Variants in MARCHF1 observed in about 807,000 individuals in gnomAD.
MARCHF1 encodes the protein E3 ubiquitin-protein ligase MARCHF1.
Under a neutral mutation model 54.2 loss-of-function variants are expected in MARCHF1, and 40 were observed. That is an observed-to-expected ratio of 0.74 (90% CI 0.57 to 0.96). MARCHF1 has a LOEUF of 0.96. MARCHF1 is among the 40% of genes least tolerant of loss of function. The pLI, the probability that MARCHF1 is intolerant of heterozygous loss-of-function variation, is 0.00. For synonymous variants in MARCHF1, 236 were observed against 236.3 expected (o/e 1.00, Z 0.01); for missense variants, 586 against 656.5 (o/e 0.89, Z 1.17).
In MARCHF1 at chr4:163,854,009, C is replaced by G. The variant is rs746469448; in HGVS notation, c.111+12G>C. On this transcript the variant is annotated intron_variant, in intron 4 of 9. Transcript: ENST00000514618. ...TATAAGCCAATTTGAGGTAAAGTAACTTTCCACTCACCAATGTGGAGGTTT... is the reference window on the plus strand; with the variant it reads ...TATAAGCCAATTTGAGGTAAAGTAAGTTTCCACTCACCAATGTGGAGGTTT... 6.5e-7 allele frequency: 1 copy of G among 1,535,976 alleles called. No homozygotes were observed. Among genetic ancestry groups the G allele is most frequent in the South Asian group, 1.2e-5 (1 of 83,874 alleles).
rs1398567939 is a variant in MARCHF1, at chr4:164,240,118, G to A, written c.-322-128456C>T. ...AGATCTGTATGACTTCAAGGGACAT[G>A]TAAATAAGAACCAGGAGACCTGGAT... On this transcript the variant is annotated intron_variant, in intron 1 of 9. Coordinates refer to ENST00000514618, the MANE Select transcript of MARCHF1 (RefSeq NM_001394959.1). Among the ~76,000 whole-genome samples the A allele has an allele frequency of 2.0e-5, 3 of 152,166 alleles. No homozygotes were observed. In the East Asian group the frequency reaches 5.8e-4, roughly 29 times the overall value.
rs188560111 is a variant in MARCHF1 at position 163,586,215 on chromosome 4, A to T, written c.1011-286T>A. Among the ~76,000 whole-genome samples, 188 of 152,316 alleles carry T rather than the reference A, an allele frequency of 1.2e-3. 2 individuals are homozygous for T. The highest frequency in any genetic ancestry group is 0.012 in the Admixed American group (185 of 15,298). ...TTCCATTTAGTCAAAACATAGGTGC[A>T]CAACCCAAAGTTTATTCACTACCTT... On this transcript the variant is annotated intron_variant, in intron 7 of 9. Transcript: ENST00000514618.
Position 163,915,429 on chromosome 4 carries a change from T to C in MARCHF1, c.-38-61260A>G, listed in dbSNP as rs550641969. The stretch of plus-strand genomic sequence containing the variant: ...ATGAAAAACTGAGAAACTGAGAAAT[T>C]ATCACAACCAAGAAAAGCAAAAGGA... On this transcript the variant is annotated intron_variant, in intron 3 of 9. Transcript: ENST00000514618. Among the ~76,000 whole-genome samples, 57 of 152,048 alleles carry C rather than the reference T, an allele frequency of 3.7e-4. 1 individual carries two copies. In the South Asian group the frequency reaches 0.012, roughly 31 times the overall value.
chr4:164,170,616 G>A (rs900913510), intron 1 of MARCHF1, among the ~76,000 whole-genome samples: 1 of 152,048 alleles, frequency 6.6e-6, no homozygotes, highest in African/African-American at 2.4e-5. Flanking sequence ...GTCTGTTAGG[G>A]TTGCCCAATA....
At chr4:163,574,141 C>G in intron 8 of MARCHF1, among the ~76,000 whole-genome samples, 1 of 152,032 alleles carries the variant, frequency 6.6e-6, no homozygotes, top group African/African-American at 2.4e-5. Flanking sequence ...ATGTCCTTCG[C>G]CCACTTTTTG....
chr4:163,849,430 GC>G (rs1166443173), intron 4 of MARCHF1, among the ~76,000 whole-genome samples: 1 of 152,140 alleles, frequency 6.6e-6, no homozygotes, highest in Non-Finnish European at 1.5e-5. Flanking sequence ...ATGGGTGACA[GC>G]AAAATAGTAA....
At chr4:164,345,525 G>A (rs930433230) in intron 1 of MARCHF1, among the ~76,000 whole-genome samples, 1 of 151,300 alleles carries the variant, frequency 6.6e-6, no homozygotes, top group Non-Finnish European at 1.5e-5. Context: ...AGCCAAGATG[G>A]TGCCACTGCA....
intron 1 of MARCHF1, among the ~76,000 whole-genome samples, chr4:164,278,522 TATA>T (rs565237701): frequency 5.9e-5 from 9 of 152,222 alleles, no homozygotes; most frequent in Non-Finnish European, 1.3e-4. Context: ...AGTTAAATGG[TATA>T]ATGTTAGCTT....
intron 4 of MARCHF1, among the ~76,000 whole-genome samples, chr4:163,751,362 G>T (rs553279886): frequency 4.0e-5 from 6 of 151,876 alleles, no homozygotes; most frequent in Non-Finnish European, 7.4e-5. Context: ...ACATCGTCCT[G>T]GAGTCTAAGC....
intron 2 of MARCHF1, among the ~76,000 whole-genome samples, chr4:164,077,536 TAACTA>T (rs1302848540): frequency 6.6e-6 from 1 of 152,150 alleles, no homozygotes; most frequent in Non-Finnish European, 1.5e-5. Context: ...ACATGGGATC[TAACTA>T]AACTAAAGAG....
In MARCHF1 at chr4:163,916,453, G is replaced by C. The variant is rs529319103; in HGVS notation, c.-38-62284C>G. On this transcript the variant is annotated intron_variant, in intron 3 of 9. Transcript: ENST00000514618. ...AGACAGCAGGTGCACAGGTGTGTAAGGGTCTGAGAGGGGAAAGGCACAAGT... is the reference window on the plus strand; with the variant it reads ...AGACAGCAGGTGCACAGGTGTGTAACGGTCTGAGAGGGGAAAGGCACAAGT... 2.0e-5 allele frequency among the ~76,000 whole-genome samples: 3 copies of C among 152,162 alleles called. 1 individual carries two copies. In the South Asian group the frequency reaches 6.2e-4, roughly 32 times the overall value.
chr4:163,903,536 C>T (rs1160308254), intron 3 of MARCHF1, among the ~76,000 whole-genome samples: 2 of 152,240 alleles, frequency 1.3e-5, no homozygotes, highest in East Asian at 1.9e-4. Context: ...ATAAAGTTTA[C>T]ATAGAATAAC....
chr4:163,803,158 A>G (rs746872032), intron 4 of MARCHF1, among the ~76,000 whole-genome samples: 1 of 152,132 alleles, frequency 6.6e-6, no homozygotes, highest in African/African-American at 2.4e-5. Flanking sequence ...TCTCAATGTA[A>G]AACATATTAT....
At chr4:163,729,756 T>C (rs1745774478) in intron 4 of MARCHF1, among the ~76,000 whole-genome samples, 1 of 152,118 alleles carries the variant, frequency 6.6e-6, no homozygotes, top group Admixed American at 6.5e-5. Context: ...CATTTTGGCA[T>C]TTGGGCCACC....
intron 2 of MARCHF1, among the ~76,000 whole-genome samples, chr4:164,096,686 A>G (rs1755420867): frequency 6.6e-6 from 1 of 152,166 alleles, no homozygotes; most frequent in African/African-American, 2.4e-5. Context: ...ACACAAAAAC[A>G]GAATGTAATA....
intron 2 of MARCHF1, among the ~76,000 whole-genome samples, chr4:164,040,943 A>T (rs1560875324): frequency 6.6e-6 from 1 of 152,084 alleles, no homozygotes; most frequent in Non-Finnish European, 1.5e-5. Context: ...CTGAGCTAAA[A>T]CTGTGTGCAT....
chr4:163,684,937 G>A (rs746989041), intron 5 of MARCHF1, among the ~76,000 whole-genome samples: 1 of 152,044 alleles, frequency 6.6e-6, no homozygotes, highest in South Asian at 2.1e-4. Flanking sequence ...TTGTTTCCAC[G>A]ATGCCTGTCA....
intron 3 of MARCHF1, among the ~76,000 whole-genome samples, chr4:163,925,043 T>C (rs190983458): frequency 2.0e-5 from 3 of 151,948 alleles, no homozygotes; most frequent in Non-Finnish European, 1.5e-5. Context: ...TAACTGTTGA[T>C]TTCCAATGGT....
intron 4 of MARCHF1, among the ~76,000 whole-genome samples, chr4:163,773,358 T>A (rs545842614): frequency 6.6e-6 from 1 of 152,314 alleles, no homozygotes; most frequent in African/African-American, 2.4e-5. Flanking sequence ...TATTTCTTTT[T>A]TACTGTGAAA....
Sources: gnomAD v4.1 joint callset for allele counts (sites outside exome capture counted in the v4.1 genomes callset) on GRCh38, gnomAD v4.1.1 for gene constraint, MANE v1.5 for transcripts, NCBI Gene and HGNC (gene_info 2026-07-23, HGNC 2026-07-21) for gene names.